AKAP19: variants seen among roughly 807,000 people sequenced by gnomAD.
AKAP19 encodes A-kinase anchoring protein 19, also known as small A-kinase anchoring protein.
the AKAP19 span, among the ~76,000 whole-genome samples, chr2:190,104,401 C>G: frequency 6.6e-6 from 1 of 152,150 alleles, no homozygotes; most frequent in Non-Finnish European, 1.5e-5. Context: ...AAACAGGCAA[C>G]CAACAGAATG....
At chr2:190,136,841 A>G in the AKAP19 span, among the ~76,000 whole-genome samples, 9 of 152,356 alleles carry the variant, frequency 5.9e-5, no homozygotes, top group African/African-American at 2.2e-4. Context: ...AAGAACCAAG[A>G]TTTGGTTATT....
At chr2:190,052,611 A>C in the AKAP19 span, among the ~76,000 whole-genome samples, 4 of 152,156 alleles carry the variant, frequency 2.6e-5, no homozygotes, top group African/African-American at 7.2e-5. Context: ...CTTGTGGAGG[A>C]TCTATGGCCC....
chr2:190,187,074 A>G, the AKAP19 span, among the ~76,000 whole-genome samples: 69 of 152,322 alleles, frequency 4.5e-4, 1 homozygote, highest in Non-Finnish European at 2.2e-4. Context: ...TCCTGACCTC[A>G]GGTGATCTGC....
the AKAP19 span, among the ~76,000 whole-genome samples, chr2:190,157,393 C>CACACAT: frequency 6.7e-5 from 10 of 149,356 alleles, no homozygotes; most frequent in East Asian, 4.0e-4. Context: ...CACACACACA[C>CACACAT]ATATCACAGG....
At chr2:189,983,080 T>A in the AKAP19 span, among the ~76,000 whole-genome samples, 1 of 152,088 alleles carries the variant, frequency 6.6e-6, no homozygotes, top group Non-Finnish European at 1.5e-5. Context: ...TGGAAAGATA[T>A]CATGTTGGGG....
chr2:190,009,490 T>C, the AKAP19 span, among the ~76,000 whole-genome samples: 1 of 152,214 alleles, frequency 6.6e-6, no homozygotes, highest in Admixed American at 6.5e-5. Context: ...TGTAAGGTTT[T>C]GGTTCTAAGC....
At chr2:190,146,467 T>C in the AKAP19 span, among the ~76,000 whole-genome samples, 1 of 152,244 alleles carries the variant, frequency 6.6e-6, no homozygotes, top group Non-Finnish European at 1.5e-5. Context: ...AACATGCATG[T>C]GCAAGTATCT....
chr2:189,979,583 CTTAA>C, the AKAP19 span, among the ~76,000 whole-genome samples: 1 of 152,074 alleles, frequency 6.6e-6, no homozygotes, highest in Non-Finnish European at 1.5e-5. Flanking sequence ...ATACATGAGA[CTTAA>C]TTAAACTAAG....
At chr2:190,122,577 G>A in the AKAP19 span, among the ~76,000 whole-genome samples, 1 of 152,114 alleles carries the variant, frequency 6.6e-6, no homozygotes, top group African/African-American at 2.4e-5. Context: ...TTTAATTCCA[G>A]TAAGTTTTTC....
At chr2:190,108,076 A>G in the AKAP19 span, among the ~76,000 whole-genome samples, 1 of 152,238 alleles carries the variant, frequency 6.6e-6, no homozygotes, top group Non-Finnish European at 1.5e-5. Flanking sequence ...ACATAAGGAA[A>G]CTCAAAAAGA....
At chr2:189,895,470 A>C in the AKAP19 span, among the ~76,000 whole-genome samples, 27 of 152,236 alleles carry the variant, frequency 1.8e-4, no homozygotes, top group South Asian at 2.9e-3. Flanking sequence ...GCGATAATCA[A>C]ACTAGTCTCT....
the AKAP19 span, among the ~76,000 whole-genome samples, chr2:190,108,142 T>TA: frequency 6.6e-6 from 1 of 151,944 alleles, no homozygotes; most frequent in Non-Finnish European, 1.5e-5. Flanking sequence ...TTTATTATTG[T>TA]AAAAAAATTC....
the AKAP19 span, among the ~76,000 whole-genome samples, chr2:189,979,374 A>T: frequency 6.6e-6 from 1 of 152,204 alleles, no homozygotes; most frequent in African/African-American, 2.4e-5. Context: ...CTAGCCAGGC[A>T]TATGCAGAAG....
the AKAP19 span, among the ~76,000 whole-genome samples, chr2:189,972,726 T>C: frequency 2.0e-5 from 3 of 152,190 alleles, no homozygotes; most frequent in Admixed American, 6.5e-5. Context: ...TCCTAGGTAT[T>C]TTATTCTCTT....
chr2:189,976,750 C>T, the AKAP19 span, among the ~76,000 whole-genome samples: 1 of 152,230 alleles, frequency 6.6e-6, no homozygotes. Flanking sequence ...ATTAGTGAGG[C>T]TCTGTGGGCT....
the AKAP19 span, among the ~76,000 whole-genome samples, chr2:189,887,191 C>T: frequency 6.6e-6 from 1 of 152,242 alleles, no homozygotes; most frequent in South Asian, 2.1e-4. Flanking sequence ...CTCCCTGTGT[C>T]CATGTGTTCT....
the AKAP19 span, among the ~76,000 whole-genome samples, chr2:190,135,514 T>C: frequency 1.3e-5 from 2 of 151,954 alleles, no homozygotes; most frequent in African/African-American, 4.8e-5. Flanking sequence ...AATGATGGGG[T>C]TGGCCAAATA....
At chr2:189,957,555 G>C in the AKAP19 span, among the ~76,000 whole-genome samples, 8 of 152,224 alleles carry the variant, frequency 5.3e-5, no homozygotes, top group Non-Finnish European at 8.8e-5. Context: ...CTAGCCATTT[G>C]TCTCAACCAC....
At chr2:190,088,946 C>T in the AKAP19 span, among the ~76,000 whole-genome samples, 1 of 152,188 alleles carries the variant, frequency 6.6e-6, no homozygotes, top group Admixed American at 6.5e-5. Context: ...AGCGTTCTCC[C>T]AGCTCTCAAA....
Sources: allele counts gnomAD v4.1 joint callset (sites outside exome capture counted in the v4.1 genomes callset), GRCh38; gene constraint gnomAD v4.1.1; transcripts MANE v1.5; gene names NCBI Gene and HGNC (gene_info 2026-07-23, HGNC 2026-07-21).